PRDM14: variants seen among roughly 807,000 people sequenced by gnomAD.
PRDM14 encodes PR domain zinc finger protein 14.
Under a neutral mutation model 48.0 loss-of-function variants are expected in PRDM14, and 16 were observed. That is an observed-to-expected ratio of 0.33 (90% confidence interval 0.23 to 0.51). PRDM14 has a LOEUF of 0.51. Among genes scored for constraint, PRDM14 ranks in the 20% least tolerant of loss-of-function variants. PRDM14 has a pLI of 0.97. For missense variants in PRDM14, 566 were observed against 719.6 expected (o/e 0.79, Z 2.44); for synonymous variants, 264 against 276.6 (o/e 0.95, Z 0.45).
At chr8:70,053,657 T>C (rs1192215654) in intron 7 of PRDM14, among the ~76,000 whole-genome samples, 1 of 152,194 alleles carries the variant, frequency 6.6e-6, no homozygotes, top group Non-Finnish European at 1.5e-5. Context: ...CTCAAAGTGC[T>C]GGGATTACAG....
In PRDM14 at chr8:70,069,468, G is replaced by A. The variant is rs1256524031; in HGVS notation, c.393C>T (p.His131=). The A allele has an allele frequency of 1.3e-6, 2 of 1,578,922 alleles. No homozygotes were observed. Among genetic ancestry groups the A allele is most frequent in the East Asian group, 4.5e-5 (2 of 44,478 alleles). ...YAGASSEDLG[H]QIIGGDNESG... ...TCTCGTTGTCGCCACCAATGATTTG[G>A]TGGCCCAGATCTTCACTGCTGGCAC... The change falls in exon 2 of 8, where the codon CAC becomes CAT. Residue 131 remains histidine (H), a synonymous_variant. Coordinates refer to ENST00000276594, the MANE Select transcript of PRDM14 (RefSeq NM_024504.4).
chr8:70,065,730 T>C (rs1397805948), intron 5 of PRDM14, among the ~76,000 whole-genome samples: 1 of 152,030 alleles, frequency 6.6e-6, no homozygotes, highest in Admixed American at 6.6e-5. Context: ...AAAACAATCC[T>C]TACTCTTAAG....
At position 70,058,862 on chromosome 8, in the gene PRDM14, C is replaced by T. The variant is rs762829448; in HGVS notation, c.1184-20G>A. The T allele has an allele frequency of 1.9e-6, 3 of 1,593,814 alleles. No homozygotes were observed. Among genetic ancestry groups the T allele is most frequent in the Non-Finnish European group, 1.7e-6 (2 of 1,161,882 alleles). ...CAGACTCTGTCAAACACAGCAAACA[C>T]AATGTCTCTTCAGTTACTTCCCTCC... On this transcript the variant is annotated intron_variant, in intron 5 of 7. Transcript: ENST00000276594.
chr8:70,070,311 C>T (rs1415005948), intron 1 of PRDM14, among the ~76,000 whole-genome samples: 1 of 152,174 alleles, frequency 6.6e-6, no homozygotes, highest in African/African-American at 2.4e-5. Flanking sequence ...GCCGCGGGGC[C>T]CTGCCAACCT....
Position 70,069,615 on chromosome 8 carries a change from C to T in PRDM14, c.246G>A (p.Leu82=). The T allele has an allele frequency of 1.3e-6, 2 of 1,580,732 alleles. No individual in the cohort carries two copies. The highest frequency in any genetic ancestry group is 1.7e-6 in the Non-Finnish European group (2 of 1,163,850). Residue 82 remains leucine, a synonymous_variant, in exon 2 of 8, where the codon CTG becomes CTA. Coordinates refer to ENST00000276594, the MANE Select transcript of PRDM14 (RefSeq NM_024504.4). ...CGTAGAGAGGCTCCCTCTGTAGGCC[C>T]AGACCCGGGCTCAGCAAGGGAGGCG... ...RMAPPLLSPG[L]GLQREPLYDL... is the part of the protein sequence containing the mutation.
Position 70,069,874 on chromosome 8 carries a change from G to T in PRDM14, c.-14C>A, listed in dbSNP as rs753243959. The T allele has an allele frequency of 2.6e-6, 4 of 1,556,330 alleles. No individual in the cohort carries two copies. The highest frequency in any genetic ancestry group is 2.3e-5 in the East Asian group (1 of 43,204). On this transcript the variant is annotated 5_prime_UTR_variant, in exon 2 of 8. Transcript: ENST00000276594. ...GGGTAGAGCCATCCCGGGACCGCAC[G>T]CTCGGCGGCTCTGCAGAAAAGCGGG...
intron 5 of PRDM14, among the ~76,000 whole-genome samples, chr8:70,065,551 T>A (rs1201850130): frequency 1.3e-5 from 2 of 152,076 alleles, no homozygotes; most frequent in African/African-American, 4.8e-5. Flanking sequence ...CTACCCTGAA[T>A]GAGAACCAGC....
intron 5 of PRDM14, among the ~76,000 whole-genome samples, chr8:70,060,163 A>G (rs1372786060): frequency 2.0e-5 from 3 of 152,034 alleles, no homozygotes; most frequent in Non-Finnish European, 2.9e-5. Flanking sequence ...CACTCTGGGA[A>G]GCTGAAGTGG....
At chr8:70,057,330 A>AT (rs879939829) in intron 6 of PRDM14, among the ~76,000 whole-genome samples, 2,387 of 119,110 alleles carry the variant, frequency 0.02, 62 homozygotes, top group African/African-American at 0.067. Flanking sequence ...ATAAGACAAT[A>AT]TTTTTTTTTT....
intron 7 of PRDM14, 140 bp from the exon 8 acceptor site, chr8:70,052,444 T>A: frequency 1.6e-6 from 1 of 616,268 alleles, no homozygotes. Context: ...GCACTCCTGG[T>A]CATCATCAGT....
At chr8:70,062,493 T>G (rs536049941) in intron 5 of PRDM14, among the ~76,000 whole-genome samples, 1 of 152,152 alleles carries the variant, frequency 6.6e-6, no homozygotes, top group Non-Finnish European at 1.5e-5. Flanking sequence ...TTTATACACA[T>G]AGCCTGAAGG....
At chr8:70,067,628 A>G (rs1805693243) in intron 4 of PRDM14, among the ~76,000 whole-genome samples, 1 of 152,126 alleles carries the variant, frequency 6.6e-6, no homozygotes, top group African/African-American at 2.4e-5. Context: ...TAGGATTAAC[A>G]TATTCCACAT....
intron 6 of PRDM14, among the ~76,000 whole-genome samples, chr8:70,056,323 CAGA>C (rs896608925): frequency 1.4e-4 from 22 of 152,124 alleles, no homozygotes; most frequent in African/African-American, 4.3e-4. Context: ...AGGGATAAAG[CAGA>C]AGGCCTTTGG....
Position 70,068,318 on chromosome 8 carries a change from G to T in PRDM14, c.824C>A (p.Ala275Asp). Residue 275 changes from alanine to aspartate, a missense_variant, in exon 4 of 8, where the codon GCC becomes GAC. Around this residue, in one of 3 missense-constraint regions of PRDM14, gnomAD observed 410 missense variants for 424.6 expected, o/e 0.97. Coordinates refer to ENST00000276594, the MANE Select transcript of PRDM14 (RefSeq NM_024504.4). Reference sequence around the variant, plus strand: ...AAAGGGCCCAAACCTGACTCCTTTGGCGATAAAACTACTGCAGAACACACC... The same window carrying T: ...AAAGGGCCCAAACCTGACTCCTTTGTCGATAAAACTACTGCAGAACACACC... ...HFGVFCSSFI[A>D]KGVRFGPFQG... 2 of 1,614,138 alleles carry T rather than the reference G, an allele frequency of 1.2e-6. No individual in the cohort carries two copies. The highest frequency in any genetic ancestry group is 2.2e-5 in the South Asian group (2 of 91,086).
intron 2 of PRDM14, among the ~76,000 whole-genome samples, chr8:70,068,733 A>T (rs539920661): frequency 3.9e-5 from 6 of 152,196 alleles, no homozygotes; most frequent in African/African-American, 1.4e-4. Context: ...ACAATTTCTC[A>T]TTTGAGACTC....
chr8:70,066,143 G>A (rs1272538332), intron 5 of PRDM14, 92 bp downstream of exon 5: 14 of 1,382,686 alleles, frequency 1.0e-5, no homozygotes, highest in Non-Finnish European at 1.4e-5. Flanking sequence ...TAGCCTTTAG[G>A]AGGGAGGAGC....
chr8:70,059,983 C>G (rs1455687514), intron 5 of PRDM14, among the ~76,000 whole-genome samples: 1 of 151,234 alleles, frequency 6.6e-6, no homozygotes, highest in Non-Finnish European at 1.5e-5. Flanking sequence ...ATCCCAGCTA[C>G]TTGGGAGGCT....
At chr8:70,064,523 C>CTTTTTTT (rs1170368852) in intron 5 of PRDM14, among the ~76,000 whole-genome samples, 1 of 136,174 alleles carries the variant, frequency 7.3e-6, no homozygotes, top group African/African-American at 2.7e-5. Flanking sequence ...ATGCAATTTA[C>CTTTTTTT]TTTTTTTTTT....
chr8:70,066,849 CT>C (rs1428461739), intron 4 of PRDM14, among the ~76,000 whole-genome samples: 1 of 152,080 alleles, frequency 6.6e-6, no homozygotes, highest in Admixed American at 6.6e-5. Flanking sequence ...CCTTAGCCCC[CT>C]GAGTAGCTGG....
Sources: gnomAD v4.1 joint callset for allele counts (sites outside exome capture counted in the v4.1 genomes callset) on GRCh38, gnomAD v4.1.1 for gene constraint, gnomAD v4.1.1 regional missense constraint, MANE v1.5 for transcripts, NCBI Gene and HGNC (gene_info 2026-07-23, HGNC 2026-07-21) for gene names.